The following ATRNL1 variants were observed in gnomAD, a reference collection of about 807,000 sequenced individuals.
ATRNL1 encodes the protein attractin-like protein 1.
A neutral mutation model predicts 182.7 loss-of-function variants in ATRNL1; 95 were observed. The observed-to-expected ratio is 0.52, with a 90% CI of 0.44 to 0.62. The LOEUF (loss-of-function observed/expected upper bound fraction) is 0.62, where lower values mean the gene tolerates loss of function less well. Among genes scored for constraint, ATRNL1 ranks in the 20% least tolerant of loss-of-function variants. The pLI is 0.00. For missense variants in ATRNL1, 1,471 were observed against 1,679.5 expected (o/e 0.88, Z 2.17); for synonymous variants, 576 against 568.3 (o/e 1.01, Z -0.19).
chr10:115,145,806 T>C (rs1314279203), intron 5 of ATRNL1, among the ~76,000 whole-genome samples: 2 of 152,204 alleles, frequency 1.3e-5, no homozygotes, highest in South Asian at 4.1e-4. Flanking sequence ...CCACTTCTTA[T>C]TAACAATCCA....
intron 21 of ATRNL1, among the ~76,000 whole-genome samples, chr10:115,431,278 G>A (rs781961515): frequency 1.3e-5 from 2 of 151,930 alleles, no homozygotes; most frequent in Non-Finnish European, 2.9e-5. Flanking sequence ...GGTGGTGTGC[G>A]CCTGTAATCC....
chr10:115,331,659 C>G (rs1855229253), intron 18 of ATRNL1, among the ~76,000 whole-genome samples: 1 of 151,886 alleles, frequency 6.6e-6, no homozygotes, highest in Non-Finnish European at 1.5e-5. Flanking sequence ...TGTTTATTGA[C>G]AAATTAGGTA....
chr10:115,186,284 A>G lies in ATRNL1; in HGVS notation c.1348+14992A>G, dbSNP rs1331437136. Among the ~76,000 whole-genome samples the G allele has an allele frequency of 3.3e-5, 5 of 151,942 alleles. No individual in the cohort carries two copies. In the East Asian group the frequency reaches 9.7e-4, roughly 29 times the overall value. Reference sequence around the variant, plus strand: ...GGGAATGTAAATTAGTACAACCATGATGGAGAACAGTTCGGAGGTTCCTCA... The same window carrying G: ...GGGAATGTAAATTAGTACAACCATGGTGGAGAACAGTTCGGAGGTTCCTCA... On this transcript the variant is annotated intron_variant, in intron 8 of 28. Coordinates refer to ENST00000355044, the MANE Select transcript of ATRNL1 (RefSeq NM_207303.4).
intron 7 of ATRNL1, 77 bp from the exon 8 acceptor site, chr10:115,170,960 T>C: frequency 1.1e-6 from 1 of 912,004 alleles, no homozygotes; most frequent in Admixed American, 3.8e-5. Flanking sequence ...TTATGTAAAT[T>C]TAACCTTTAT....
chr10:115,226,897 C>A (rs1006050350), intron 9 of ATRNL1, among the ~76,000 whole-genome samples: 1 of 152,072 alleles, frequency 6.6e-6, no homozygotes, highest in Non-Finnish European at 1.5e-5. Context: ...GAAGCTGGAC[C>A]CCTACCTTTC....
At chr10:115,727,392 T>C in intron 27 of ATRNL1, 37 bp downstream of exon 27, 1 of 1,493,168 alleles carries the variant, frequency 6.7e-7, no homozygotes, top group East Asian at 2.3e-5. Flanking sequence ...CCACTGTGCT[T>C]TGCATATTTA....
chr10:115,311,246 G>A (rs142388832), intron 17 of ATRNL1, among the ~76,000 whole-genome samples: 1,710 of 144,826 alleles, frequency 0.012, 20 homozygotes, highest in Non-Finnish European at 0.019. Context: ...CTGGAGTGCC[G>A]TGGCACAATC....
intron 8 of ATRNL1, among the ~76,000 whole-genome samples, chr10:115,189,675 A>C (rs1431728811): frequency 6.6e-6 from 1 of 152,164 alleles, no homozygotes; most frequent in African/African-American, 2.4e-5. Context: ...AGGATCAAAA[A>C]GTTAAAAAAT....
intron 13 of ATRNL1, among the ~76,000 whole-genome samples, chr10:115,271,620 G>T (rs1489875834): frequency 2.6e-5 from 4 of 152,136 alleles, no homozygotes; most frequent in Admixed American, 6.5e-5. Flanking sequence ...AACCAACCCA[G>T]ATATCCATCA....
chr10:115,405,891 G>T (rs1334358027), intron 20 of ATRNL1, among the ~76,000 whole-genome samples: 1 of 129,434 alleles, frequency 7.7e-6, no homozygotes, highest in Non-Finnish European at 1.5e-5. Flanking sequence ...CCCTTCCTGT[G>T]TCCATGTATT....
intron 19 of ATRNL1, among the ~76,000 whole-genome samples, chr10:115,381,216 T>C (rs1352184184): frequency 3.3e-5 from 5 of 152,198 alleles, no homozygotes; most frequent in African/African-American, 1.2e-4. Flanking sequence ...TATTCAGATA[T>C]TTTTCTGGAC....
At chr10:115,607,300 T>A in intron 26 of ATRNL1, among the ~76,000 whole-genome samples, 1 of 151,864 alleles carries the variant, frequency 6.6e-6, no homozygotes, top group Admixed American at 6.6e-5. Flanking sequence ...TTTTTGTTGC[T>A]ACCTATGAAA....
At chr10:115,901,060 T>C (rs1952336616) in intron 28 of ATRNL1, among the ~76,000 whole-genome samples, 2 of 152,066 alleles carry the variant, frequency 1.3e-5, no homozygotes, top group Non-Finnish European at 1.5e-5. Flanking sequence ...CAGTGTGAAA[T>C]AGTGGCACAG....
chr10:115,165,895 A>G (rs1355425631), intron 7 of ATRNL1, among the ~76,000 whole-genome samples: 1 of 152,096 alleles, frequency 6.6e-6, no homozygotes, highest in South Asian at 2.1e-4. Flanking sequence ...TCAATCACTT[A>G]AAAAAATTAT....
At chr10:115,823,724 C>T (rs111635255) in intron 27 of ATRNL1, among the ~76,000 whole-genome samples, 2,705 of 152,072 alleles carry the variant, frequency 0.018, 97 homozygotes, top group African/African-American at 0.062. Flanking sequence ...TTACAAAGGA[C>T]GTGAAGGACC....
At chr10:115,319,642 C>G (rs112091154) in intron 18 of ATRNL1, among the ~76,000 whole-genome samples, 3,393 of 148,022 alleles carry the variant, frequency 0.023, 48 homozygotes, top group South Asian at 0.036. Context: ...TATGTAATGC[C>G]TTTTTTTTTG....
chr10:115,123,646 A>G (rs1844837423), intron 3 of ATRNL1, among the ~76,000 whole-genome samples: 1 of 152,130 alleles, frequency 6.6e-6, no homozygotes, highest in African/African-American at 2.4e-5. Flanking sequence ...ACAGTCCTCT[A>G]CAACAAGGGT....
intron 21 of ATRNL1, among the ~76,000 whole-genome samples, chr10:115,445,567 G>A (rs1274236418): frequency 7.1e-6 from 1 of 139,992 alleles, no homozygotes; most frequent in African/African-American, 2.7e-5. Flanking sequence ...TTACCTACAT[G>A]GACATGCCTG....
chr10:115,223,929 ATT>A (rs1223695295), intron 9 of ATRNL1, among the ~76,000 whole-genome samples: 1,064 of 44,696 alleles, frequency 0.024, 20 homozygotes, highest in African/African-American at 0.082. Flanking sequence ...ATATATATAT[ATT>A]TTTTTTTTTT....
Sources: gnomAD v4.1 joint callset for allele counts (sites outside exome capture counted in the v4.1 genomes callset) on GRCh38, gnomAD v4.1.1 for gene constraint, MANE v1.5 for transcripts, NCBI Gene and HGNC (gene_info 2026-07-23, HGNC 2026-07-21) for gene names.